ADGRL3: variants seen among roughly 807,000 people sequenced by gnomAD.
The protein encoded by ADGRL3 is adhesion G protein-coupled receptor L3.
ADGRL3 carries 62 observed loss-of-function variants against 153.5 expected under a neutral mutation model. The ratio of observed to expected loss-of-function variants is 0.40; its 90% confidence interval spans 0.33 to 0.50. The LOEUF (loss-of-function observed/expected upper bound fraction) is 0.50. ADGRL3 is among the 20% of genes least tolerant of loss of function. ADGRL3 has a pLI of 0.47. For missense variants in ADGRL3, 1,641 were observed against 1,859.4 expected, an observed-to-expected ratio of 0.88 and a Z score of 2.16; for synonymous variants, 710 against 672.5, an observed-to-expected ratio of 1.06 and a Z score of -0.86.
chr4:61,766,908 T>C (rs1470915522), intron 8 of ADGRL3, among the ~76,000 whole-genome samples: 4 of 151,972 alleles, frequency 2.6e-5, no homozygotes, highest in Non-Finnish European at 5.9e-5. Flanking sequence ...TGAACAAACT[T>C]GTAAGGCTTG....
chr4:61,848,481 A>G (rs1440144824), intron 9 of ADGRL3, among the ~76,000 whole-genome samples: 1 of 151,898 alleles, frequency 6.6e-6, no homozygotes, highest in Admixed American at 6.6e-5. Context: ...TCTTATAAGG[A>G]AACCAGTCAC....
intron 9 of ADGRL3, among the ~76,000 whole-genome samples, chr4:61,873,671 T>C (rs1402434110): frequency 6.6e-6 from 1 of 152,168 alleles, no homozygotes; most frequent in East Asian, 1.9e-4. Context: ...CCTAAGACCA[T>C]TATCAGCATG....
intron 11 of ADGRL3, among the ~76,000 whole-genome samples, chr4:61,901,405 A>AG (rs1360983220): frequency 2.0e-4 from 31 of 152,336 alleles, no homozygotes; most frequent in Non-Finnish European, 3.7e-4. Context: ...CCTAGAAACT[A>AG]GGTTGAATCC....
chr4:61,760,205 G>T (rs1561200740), intron 8 of ADGRL3, among the ~76,000 whole-genome samples: 1 of 152,144 alleles, frequency 6.6e-6, no homozygotes, highest in Non-Finnish European at 1.5e-5. Context: ...GGACATTTTA[G>T]TGTGCAGAGG....
chr4:61,621,198 T>C (rs1010067308), intron 5 of ADGRL3, among the ~76,000 whole-genome samples: 2 of 152,184 alleles, frequency 1.3e-5, no homozygotes, highest in Non-Finnish European at 2.9e-5. Context: ...TACTTTCTTT[T>C]TTCTAGCTTC....
intron 4 of ADGRL3, among the ~76,000 whole-genome samples, chr4:61,581,726 C>A (rs1010017875): frequency 6.6e-6 from 1 of 152,072 alleles, no homozygotes; most frequent in African/African-American, 2.4e-5. Flanking sequence ...TAACTTCCTA[C>A]CAAATCTGGC....
intron 5 of ADGRL3, among the ~76,000 whole-genome samples, chr4:61,604,173 C>T (rs1375553847): frequency 6.6e-6 from 1 of 152,094 alleles, no homozygotes; most frequent in Non-Finnish European, 1.5e-5. Context: ...TCAGAATTCT[C>T]CTTTGCTTAT....
intron 23 of ADGRL3, among the ~76,000 whole-genome samples, chr4:62,035,492 G>A (rs1026233060): frequency 6.6e-6 from 1 of 151,918 alleles, no homozygotes; most frequent in African/African-American, 2.4e-5. Flanking sequence ...AAAATAATGC[G>A]GGATGTTGCA....
intron 1 of ADGRL3, among the ~76,000 whole-genome samples, chr4:61,250,643 T>C (rs1168028353): frequency 6.6e-6 from 1 of 152,232 alleles, no homozygotes; most frequent in Non-Finnish European, 1.5e-5. Context: ...TGAAATCGTT[T>C]AGTGATACTT....
chr4:61,209,313 T>C (rs1265905579), intron 1 of ADGRL3, among the ~76,000 whole-genome samples: 1 of 152,172 alleles, frequency 6.6e-6, no homozygotes, highest in Non-Finnish European at 1.5e-5. Flanking sequence ...TTTCTGGCTC[T>C]GTCATCTCTA....
intron 1 of ADGRL3, among the ~76,000 whole-genome samples, chr4:61,350,009 G>T (rs6818172): frequency 0.027 from 4,153 of 152,104 alleles, 174 homozygotes; most frequent in African/African-American, 0.092. Context: ...CACTATTTAA[G>T]GTTATCATCT....
At chr4:61,423,312 G>A (rs2097232306) in intron 2 of ADGRL3, among the ~76,000 whole-genome samples, 1 of 152,164 alleles carries the variant, frequency 6.6e-6, no homozygotes, top group Admixed American at 6.6e-5. Context: ...TGGATACATA[G>A]AGAAGGAACA....
intron 1 of ADGRL3, among the ~76,000 whole-genome samples, chr4:61,290,943 A>G (rs1179039177): frequency 2.6e-5 from 4 of 152,004 alleles, no homozygotes; most frequent in African/African-American, 9.7e-5. Flanking sequence ...GGAGCTATTA[A>G]AAATGTGAAT....
chr4:61,654,974 T>C (rs2150456302), intron 5 of ADGRL3, among the ~76,000 whole-genome samples: 1 of 152,294 alleles, frequency 6.6e-6, no homozygotes, highest in African/African-American at 2.4e-5. Flanking sequence ...GAAATGAGGA[T>C]GAAACAGTGT....
intron 1 of ADGRL3, among the ~76,000 whole-genome samples, chr4:61,289,145 AT>A (rs943521493): frequency 6.6e-6 from 1 of 151,808 alleles, no homozygotes; most frequent in Non-Finnish European, 1.5e-5. Context: ...ATTTTCTTTC[AT>A]TTCCTATTCC....
chr4:61,750,016 C>G (rs1215631674), intron 8 of ADGRL3, among the ~76,000 whole-genome samples: 2 of 151,182 alleles, frequency 1.3e-5, no homozygotes, highest in African/African-American at 2.4e-5. Flanking sequence ...TTTTTTATTC[C>G]TTTCTTTCCT....
chr4:61,986,663 A>G (rs1368080233), intron 19 of ADGRL3, among the ~76,000 whole-genome samples: 1 of 152,246 alleles, frequency 6.6e-6, no homozygotes, highest in Non-Finnish European at 1.5e-5. Context: ...CAAAACAGAT[A>G]CAAAGAAAAG....
chr4:62,071,036 A>C lies in ADGRL3; in HGVS notation c.*128A>C. ...TGCTGTCCTCTAAAGACAAACACAA[A>C]CTCTCAGACTTTTTTTTTTTTAATG... On this transcript the variant is annotated 3_prime_UTR_variant, in exon 27 of 27. Coordinates refer to ENST00000683033, the MANE Select transcript of ADGRL3 (RefSeq NM_001387552.1). 1.2e-6 allele frequency: 1 copy of C among 827,028 alleles called. No individual in the cohort carries two copies. The highest frequency in any genetic ancestry group is 1.8e-6 in the Non-Finnish European group (1 of 554,238). 51.2% of individuals were successfully genotyped at this position (827,028 alleles called of 1,614,324 possible).
intron 6 of ADGRL3, among the ~76,000 whole-genome samples, chr4:61,686,913 G>A (rs1359351998): frequency 3.3e-5 from 5 of 151,758 alleles, no homozygotes; most frequent in African/African-American, 7.3e-5. Context: ...TCTGTCTCTG[G>A]CTTATTTCAC....
Sources: allele counts gnomAD v4.1 joint callset (sites outside exome capture counted in the v4.1 genomes callset), GRCh38; gene constraint gnomAD v4.1.1; transcripts MANE v1.5; gene names NCBI Gene and HGNC (gene_info 2026-07-23, HGNC 2026-07-21).